ULK4: variants seen among roughly 807,000 people sequenced by gnomAD.
ULK4 encodes the protein unc-51 like kinase 4, also known as inactive serine/threonine-protein kinase ULK4.
In ULK4, 133 loss-of-function variants were observed where a neutral mutation model predicts 160.6. That is an observed-to-expected ratio of 0.83 (90% CI 0.72 to 0.96). The LOEUF is 0.96. ULK4 is among the 40% of genes least tolerant of loss of function. ULK4 has a pLI of 0.00. For synonymous variants in ULK4, 534 were observed against 539.8 expected, an observed-to-expected ratio of 0.99 and a Z score of 0.15; for missense variants, 1,580 against 1,499.5, an observed-to-expected ratio of 1.05 and a Z score of -0.89.
At chr3:41,258,985 GATATACAT>G (rs1332939452) in intron 35 of ULK4, among the ~76,000 whole-genome samples, 2 of 148,624 alleles carry the variant, frequency 1.3e-5, no homozygotes, top group African/African-American at 2.5e-5. Flanking sequence ...TATATATACA[GATATACAT>G]ATATACATAT....
chr3:41,511,920 G>A (rs2085591381), intron 32 of ULK4, among the ~76,000 whole-genome samples: 1 of 152,086 alleles, frequency 6.6e-6, no homozygotes, highest in African/African-American at 2.4e-5. Flanking sequence ...GTATCAAAAA[G>A]ATAATCCACC....
intron 30 of ULK4, among the ~76,000 whole-genome samples, chr3:41,622,064 C>A (rs765945835): frequency 3.3e-5 from 5 of 152,112 alleles, no homozygotes. Flanking sequence ...CAATGAGATA[C>A]CATCTCAAGC....
In ULK4 at chr3:41,462,068, C is replaced by T. The variant is rs117965381; in HGVS notation, c.3393+1019G>A. Among the ~76,000 whole-genome samples, 209 of 152,296 alleles carry T rather than the reference C, an allele frequency of 1.4e-3. 4 individuals carry two copies. In the East Asian group the frequency reaches 0.038, roughly 28 times the overall value. ...CTTTTTAATTAATCTACTGGCTTTA[C>T]AGTTTGGGTTTAATACTTAGTAACT... On this transcript the variant is annotated intron_variant, in intron 33 of 36. Transcript: ENST00000301831.
chr3:41,602,482 A>G (rs1024605880), intron 31 of ULK4, among the ~76,000 whole-genome samples: 1 of 152,122 alleles, frequency 6.6e-6, no homozygotes, highest in Non-Finnish European at 1.5e-5. Context: ...AAAACTGAAT[A>G]AAGTATTGAA....
intron 31 of ULK4, among the ~76,000 whole-genome samples, chr3:41,589,252 A>C (rs2031071364): frequency 6.6e-6 from 1 of 152,048 alleles, no homozygotes; most frequent in Non-Finnish European, 1.5e-5. Context: ...GGGAACCTAT[A>C]CAGAGTCCAG....
Position 41,565,943 on chromosome 3 carries a change from G to A in ULK4, c.3226+82C>T, listed in dbSNP as rs1038140985. The A allele has an allele frequency of 4.1e-6, 4 of 965,864 alleles. No homozygotes were observed. The Admixed American group carries it at 8.0e-5, about 19-fold the overall frequency. 59.8% of individuals were successfully genotyped at this position (965,864 alleles called of 1,614,324 possible). On this transcript the variant is annotated intron_variant, in intron 32 of 36. Coordinates refer to ENST00000301831, the MANE Select transcript of ULK4 (RefSeq NM_017886.4). ...TATTTTGACTCATCAACTTTAAGTG[G>A]TACTTCTAGACTCCACGCTATATAA...
intron 34 of ULK4, among the ~76,000 whole-genome samples, chr3:41,418,235 C>T (rs2082574594): frequency 6.6e-6 from 1 of 151,468 alleles, no homozygotes; most frequent in South Asian, 2.1e-4. Context: ...TACTAATAGC[C>T]TACTGTTGAT....
At chr3:41,453,310 G>A (rs572420072) in intron 34 of ULK4, among the ~76,000 whole-genome samples, 1 of 152,132 alleles carries the variant, frequency 6.6e-6, no homozygotes, top group Non-Finnish European at 1.5e-5. Context: ...CAAGTAGCTA[G>A]AACTACAGGT....
intron 18 of ULK4, among the ~76,000 whole-genome samples, chr3:41,822,134 TC>T (rs1277233826): frequency 6.6e-6 from 1 of 152,154 alleles, no homozygotes; most frequent in East Asian, 1.9e-4. Flanking sequence ...TTTAATGAGT[TC>T]CCCTTGCTCT....
At chr3:41,926,339 G>A (rs1699383797) in intron 5 of ULK4, among the ~76,000 whole-genome samples, 2 of 152,138 alleles carry the variant, frequency 1.3e-5, no homozygotes, top group Admixed American at 6.6e-5. Context: ...AACCCCATCC[G>A]AAGGTCACCA....
chr3:41,336,489 T>C (rs184017252), intron 35 of ULK4, among the ~76,000 whole-genome samples: 15 of 152,322 alleles, frequency 9.8e-5, no homozygotes. Flanking sequence ...CACAGAAGTC[T>C]ACTTCTCCTC....
intron 34 of ULK4, among the ~76,000 whole-genome samples, chr3:41,429,121 T>C (rs1474700965): frequency 6.6e-6 from 1 of 151,480 alleles, no homozygotes; most frequent in African/African-American, 2.4e-5. Flanking sequence ...AAAGACGACA[T>C]ATATGCAGCC....
chr3:41,850,743 TC>T (rs2042190896), intron 17 of ULK4, among the ~76,000 whole-genome samples: 1 of 152,242 alleles, frequency 6.6e-6, no homozygotes, highest in African/African-American at 2.4e-5. Flanking sequence ...AAAAATTTTC[TC>T]CCATTCTGTA....
At chr3:41,365,407 C>CA (rs1245373338) in intron 35 of ULK4, among the ~76,000 whole-genome samples, 1 of 152,024 alleles carries the variant, frequency 6.6e-6, no homozygotes, top group Non-Finnish European at 1.5e-5. Context: ...ATTCTGTGGG[C>CA]AAAAAGTATT....
intron 17 of ULK4, among the ~76,000 whole-genome samples, chr3:41,843,290 A>T (rs1415430950): frequency 6.6e-6 from 1 of 152,204 alleles, no homozygotes; most frequent in Non-Finnish European, 1.5e-5. Flanking sequence ...AAAATAAAAA[A>T]TAGTGACAAC....
At chr3:41,858,228 G>C (rs1359204593) in intron 17 of ULK4, among the ~76,000 whole-genome samples, 4 of 131,464 alleles carry the variant, frequency 3.0e-5, no homozygotes, top group African/African-American at 1.1e-4. Flanking sequence ...TTGGCTTACT[G>C]CAAGCCTCCA....
At position 41,418,567 on chromosome 3, in the gene ULK4, GTCT is replaced by G. The variant is rs373051978; in HGVS notation, c.3493-20306_3493-20304del. ...TTTCTGGTCTTCATTTCCTAATCTA[GTCT>G]TCATTTCCTTATGAGAACTCCCATG... On this transcript the variant is annotated intron_variant, in intron 34 of 36. Coordinates refer to ENST00000301831, the MANE Select transcript of ULK4 (RefSeq NM_017886.4). Among the ~76,000 whole-genome samples, 322 of 152,166 alleles carry G rather than the reference GTCT, an allele frequency of 2.1e-3. 1 individual carries two copies. Among genetic ancestry groups the G allele is most frequent in the African/African-American group, 7.1e-3 (294 of 41,494 alleles).
chr3:41,713,201 T>G (rs1258937535), intron 25 of ULK4, among the ~76,000 whole-genome samples: 1 of 152,194 alleles, frequency 6.6e-6, no homozygotes, highest in Non-Finnish European at 1.5e-5. Context: ...CAATGTACAT[T>G]TCTAAGGGTC....
At chr3:41,742,312 G>A (rs73828243) in intron 22 of ULK4, among the ~76,000 whole-genome samples, 17,444 of 151,814 alleles carry the variant, frequency 0.11, 3,521 homozygotes, top group African/African-American at 0.39. Context: ...CCCAGCAGAG[G>A]GCTGATCCTC....
Sources: allele counts gnomAD v4.1 joint callset (sites outside exome capture counted in the v4.1 genomes callset), GRCh38; gene constraint gnomAD v4.1.1; transcripts MANE v1.5; gene names NCBI Gene and HGNC (gene_info 2026-07-23, HGNC 2026-07-21).